KRT40: variants seen among roughly 807,000 people sequenced by gnomAD.
The protein encoded by KRT40 is keratin, type I cytoskeletal 40.
In KRT40, 47 loss-of-function variants were observed where a neutral mutation model predicts 43.5. The observed-to-expected ratio is 1.08, with a 90% CI of 0.86 to 1.38. The LOEUF is 1.38. Among genes scored for constraint, KRT40 ranks in the 40% most tolerant of loss-of-function variants. KRT40 has a pLI of 0.00. For missense variants in KRT40, 573 were observed against 523.6 expected, an observed-to-expected ratio of 1.09 and a Z score of -0.92; for synonymous variants, 212 against 214.0, an observed-to-expected ratio of 0.99 and a Z score of 0.08.
At chr17:40,984,860 AGT>A (rs1555567602), upstream of KRT40, among the ~76,000 whole-genome samples, 1 of 151,444 alleles carries the variant, frequency 6.6e-6, no homozygotes, top group Non-Finnish European at 1.5e-5. Flanking sequence ...TTGGGTTTAA[AGT>A]GTGTGTGTGT....
intron 1 of KRT40, among the ~76,000 whole-genome samples, 174 bp downstream of exon 1, chr17:40,983,653 T>C (rs920201098): frequency 3.9e-5 from 6 of 152,202 alleles, no homozygotes; most frequent in Admixed American, 3.9e-4. Flanking sequence ...GGGGTAGCTC[T>C]GGGGCTGATG....
intron 5 of KRT40, 98 bp from the exon 6 acceptor site, chr17:40,979,122 A>G (rs996563249): frequency 1.4e-5 from 12 of 830,460 alleles, no homozygotes; most frequent in East Asian, 7.4e-5. Context: ...TAGCTATGTG[A>G]CCACTGGCAA....
intron 1 of KRT40, 96 bp from the exon 2 acceptor site, chr17:40,983,224 C>G (rs1912280784): frequency 1.7e-6 from 1 of 576,628 alleles, no homozygotes; most frequent in Non-Finnish European, 3.1e-6. Flanking sequence ...TTTTGAAAGT[C>G]TTTATAAGAA....
At chr17:40,986,285 G>C (rs1222575926), upstream of KRT40, 2 of 152,342 alleles carry the variant, frequency 1.3e-5, no homozygotes, top group Non-Finnish European at 2.9e-5. Context: ...AAAGAAAGCA[G>C]GTAATGTATA....
rs1912114358 is a variant in KRT40 at position 40,981,003 on chromosome 17, C to A, written c.836G>T (p.Trp279Leu). The A allele has an allele frequency of 6.2e-7, 1 of 1,614,108 alleles. No homozygotes were observed. The highest frequency in any genetic ancestry group is 1.1e-5 in the South Asian group (1 of 91,092). The change falls in exon 4 of 7, where the codon TGG (tryptophan) becomes TTG (leucine). Residue 279 changes from tryptophan to leucine, a missense_variant. Coordinates refer to ENST00000377755, the MANE Select transcript of KRT40 (RefSeq NM_001389244.1). Reference protein sequence around the residue: ...LANNRREAEEWLAVQTEELNQ... With the variant: ...LANNRREAEELLAVQTEELNQ... ...CTGGGTACTGACCTGAACAGCCAAC[C>A]ATTCTTCAGCTTCTCTGCGATTGTT...
chr17:40,978,728 C>T, intron 6 of KRT40, 76 bp downstream of exon 6: 1 of 1,352,782 alleles, frequency 7.4e-7, no homozygotes, highest in Non-Finnish European at 1.0e-6. Flanking sequence ...CTTGTCCAGA[C>T]TTTGGGGAAA....
Position 40,983,059 on chromosome 17 carries a change from C to T in KRT40, c.517G>A (p.Asp173Asn). 2 of 1,371,524 alleles carry T rather than the reference C, an allele frequency of 1.5e-6. No individual in the cohort carries two copies. The highest frequency in any genetic ancestry group is 2.1e-6 in the Non-Finnish European group (2 of 966,392). The allele number at this position is 1,371,524 out of a possible 1,614,324, so 85.0% of individuals were successfully genotyped here. A position where few individuals can be genotyped will look rare whatever the true frequency, so the allele number is the denominator to read the frequency against. The stretch of plus-strand genomic sequence containing the variant: ...AATTAAACTTACTTTGACTTAAAGT[C>T]ATCAGTGGCCAGTTTGCAGTTGTCA... The part of the protein sequence containing the change: ...QLDNCKLATD[D>N]FKSKYESELS... Residue 173 changes from aspartate (D) to asparagine (N), a missense_variant, in exon 2 of 7, where the codon GAC becomes AAC. Asp to Asn is a conservative substitution (Grantham distance 23). Transcript: ENST00000377755.
chr17:40,979,121 G>T, intron 5 of KRT40, 97 bp from the exon 6 acceptor site: 2 of 843,504 alleles, frequency 2.4e-6, no homozygotes, highest in South Asian at 3.2e-5. Context: ...CTAGCTATGT[G>T]ACCACTGGCA....
chr17:40,982,065 G>A (rs956468638), intron 3 of KRT40, among the ~76,000 whole-genome samples: 3 of 151,952 alleles, frequency 2.0e-5, no homozygotes, highest in African/African-American at 2.4e-5. Flanking sequence ...TTTTAGTAGA[G>A]ATGAGGTTTC....
In KRT40 at chr17:40,978,158, G is replaced by A. The variant is rs572014979; in HGVS notation, c.*39C>T. 1 of 1,472,616 alleles carries A rather than the reference G, an allele frequency of 6.8e-7. No homozygotes were observed. Among genetic ancestry groups the A allele is most frequent in the South Asian group, 1.1e-5 (1 of 87,668 alleles). 91.2% of individuals were successfully genotyped at this position (1,472,616 alleles called of 1,614,324 possible). On this transcript the variant is annotated 3_prime_UTR_variant, in exon 7 of 7. Coordinates refer to ENST00000377755, the MANE Select transcript of KRT40 (RefSeq NM_001389244.1). ...TGAAGCCCCATCTCCTTTCTAGGAT[G>A]CTGCTGGCTTTGATTCCTCTACCTG...
chr17:40,979,958 T>C (rs557829681), intron 5 of KRT40, among the ~76,000 whole-genome samples: 2 of 152,312 alleles, frequency 1.3e-5, no homozygotes, highest in Non-Finnish European at 1.5e-5. Flanking sequence ...CTAAATATCC[T>C]GACTTGATCA....
chr17:40,983,157 G>A, intron 1 of KRT40, 29 bp from the exon 2 acceptor site: 1 of 942,178 alleles, frequency 1.1e-6, no homozygotes, highest in South Asian at 1.5e-5. Context: ...TGTGATAAAT[G>A]ATTCTTTGAG....
chr17:40,981,135 C>T lies in KRT40; in HGVS notation c.704G>A (p.Arg235His), dbSNP rs2010027. 462,279 of 1,613,472 alleles carry T rather than the reference C, an allele frequency of 0.29. 72,160 individuals carry two copies. The highest frequency in any genetic ancestry group is 0.63 in the African/African-American group (47,088 of 74,928). The change falls in exon 4 of 7, where the codon CGT becomes CAT. Residue 235 changes from arginine (R) to histidine (H), a missense_variant. By Grantham distance (29) the Arg-to-His change is conservative (BLOSUM62 0). Transcript: ENST00000377755. ...ACTGAGGCGGTCGCCAAGCTGTTCA[C>T]GAAGCAAGTTGACTTCCTGAAAGTG... Reference protein sequence around the residue: ...KNHEEEVNLLREQLGDRLSVE... With the variant: ...KNHEEEVNLLHEQLGDRLSVE...
upstream of KRT40, chr17:40,987,109 G>A (rs1320080265): frequency 6.6e-6 from 1 of 152,212 alleles, no homozygotes; most frequent in Non-Finnish European, 1.5e-5. Context: ...TCCTCCCAGA[G>A]CACTTTGCAC....
In KRT40 at chr17:40,978,809, G is replaced by C. The variant is rs1282766806; in HGVS notation, c.1191C>G (p.Asp397Glu). The change falls in exon 6 of 7, where the codon GAC (aspartate) becomes GAG (glutamate). Residue 397 changes from aspartate to glutamate, a missense_variant. By Grantham distance (45) the Asp-to-Glu change is conservative. Coordinates refer to ENST00000377755, the MANE Select transcript of KRT40 (RefSeq NM_001389244.1). ...NTYWGLLDSE[D>E]SRLSCSPCST... ...TGAGTAACTGTGGAACTTGCCTGCT[G>C]TCCTCGCTGTCCAGCAGGCCCCAGT... The C allele has an allele frequency of 6.2e-7, 1 of 1,611,614 alleles. No homozygotes were observed. Among genetic ancestry groups the C allele is most frequent in the Admixed American group, 1.7e-5 (1 of 59,998 alleles).
Position 40,983,085 on chromosome 17 carries a change from A to G in KRT40, c.491T>C (p.Leu164Pro), listed in dbSNP as rs1912272299. Reference protein sequence around the residue: ...KAENSRLAVQLDNCKLATDDF... With the variant: ...KAENSRLAVQPDNCKLATDDF... ...ATCAGTGGCCAGTTTGCAGTTGTCA[A>G]GCTGTACAGCAAGTCTAGAATTCTC... is the stretch of plus-strand genomic sequence containing the variant. Residue 164 changes from leucine to proline, a missense_variant, in exon 2 of 7, where the codon CTT becomes CCT. Transcript: ENST00000377755. 6.6e-7 allele frequency: 1 copy of G among 1,517,416 alleles called. No individual in the cohort carries two copies. The highest frequency in any genetic ancestry group is 9.1e-7 in the Non-Finnish European group (1 of 1,096,496). The allele number at this position is 1,517,416 out of a possible 1,614,324, so 94.0% of individuals were successfully genotyped here.
intron 2 of KRT40, 82 bp from the exon 3 acceptor site, chr17:40,982,545 G>T: frequency 2.6e-6 from 3 of 1,141,732 alleles, no homozygotes; most frequent in South Asian, 5.0e-5. Flanking sequence ...ATCGACACAC[G>T]GACTTCAGGA....
chr17:40,979,206 G>A (rs2143664434), intron 5 of KRT40, among the ~76,000 whole-genome samples, 182 bp from the exon 6 acceptor site: 1 of 152,216 alleles, frequency 6.6e-6, no homozygotes, highest in East Asian at 1.9e-4. Context: ...TTCATTAGAC[G>A]GTTGTGAAGA....
At chr17:40,979,077 G>C in intron 5 of KRT40, 53 bp from the exon 6 acceptor site, 1 of 1,396,698 alleles carries the variant, frequency 7.2e-7, no homozygotes, top group Non-Finnish European at 1.0e-6. Context: ...TCTCGGGCCA[G>C]AGTGCCTACT....
Sources: gnomAD v4.1 joint callset for allele counts (sites outside exome capture counted in the v4.1 genomes callset) on GRCh38, gnomAD v4.1.1 for gene constraint, MANE v1.5 for transcripts, NCBI Gene and HGNC (gene_info 2026-07-23, HGNC 2026-07-21) for gene names.